MARK1: variants seen among roughly 807,000 people sequenced by gnomAD.
MARK1 encodes the protein microtubule affinity regulating kinase 1, also known as serine/threonine-protein kinase MARK1.
In MARK1, 40 loss-of-function variants were observed where a neutral mutation model predicts 96.3. The ratio of observed to expected loss-of-function variants is 0.42; its 90% confidence interval spans 0.32 to 0.54. The LOEUF (loss-of-function observed/expected upper bound fraction) is 0.54. Among genes scored for constraint, MARK1 ranks in the 20% least tolerant of loss-of-function variants. The pLI is 0.16. For missense variants in MARK1, 719 were observed against 984.6 expected (o/e 0.73, Z 3.61); for synonymous variants, 317 against 341.2 (o/e 0.93, Z 0.78).
intron 16 of MARK1, among the ~76,000 whole-genome samples, chr1:220,655,296 A>G (rs941412374): frequency 2.6e-5 from 4 of 152,140 alleles, no homozygotes; most frequent in Non-Finnish European, 5.9e-5. Context: ...TCATGACATT[A>G]GATTCCGTCC....
In MARK1 at chr1:220,635,257, C is replaced by T. The variant is rs1185871018; in HGVS notation, c.1123-119C>T. ...TAGGCCCAATACTACACTGTTTTTT[C>T]AGTTTGGATTACTTCTTGTATAGCT... On this transcript the variant is annotated intron_variant, in intron 11 of 17. Coordinates refer to ENST00000366917, the MANE Select transcript of MARK1 (RefSeq NM_018650.5). 6 of 971,380 alleles carry T rather than the reference C, an allele frequency of 6.2e-6. No individual in the cohort carries two copies. The Admixed American group carries it at 1.3e-4, about 21-fold the overall frequency. 60.2% of individuals were successfully genotyped at this position (971,380 alleles called of 1,614,324 possible).
At chr1:220,555,399 A>T (rs1296477555) in intron 1 of MARK1, among the ~76,000 whole-genome samples, 2 of 152,204 alleles carry the variant, frequency 1.3e-5, no homozygotes, top group Non-Finnish European at 2.9e-5. Flanking sequence ...GATGCAAAAT[A>T]ATGAGAAGCA....
At chr1:220,567,490 AT>A (rs1215410159) in intron 1 of MARK1, among the ~76,000 whole-genome samples, 1 of 152,150 alleles carries the variant, frequency 6.6e-6, no homozygotes, top group Non-Finnish European at 1.5e-5. Flanking sequence ...GCCTTTTCAC[AT>A]TAAAGGCTAT....
At chr1:220,537,538 C>T (rs1660797379) in intron 1 of MARK1, among the ~76,000 whole-genome samples, 1 of 143,496 alleles carries the variant, frequency 7.0e-6, no homozygotes, top group South Asian at 2.4e-4. Flanking sequence ...AATAGTGCCG[C>T]AATAAACATA....
At chr1:220,617,579 A>C (rs1480269393) in intron 7 of MARK1, among the ~76,000 whole-genome samples, 3 of 152,336 alleles carry the variant, frequency 2.0e-5, no homozygotes, top group East Asian at 3.9e-4. Context: ...CTGTTTACAA[A>C]AGGGACATGT....
At chr1:220,531,368 T>G (rs1660304847) in intron 1 of MARK1, among the ~76,000 whole-genome samples, 1 of 152,180 alleles carries the variant, frequency 6.6e-6, no homozygotes, top group African/African-American at 2.4e-5. Context: ...TCTAAGTCCT[T>G]TGGTATATCA....
intron 1 of MARK1, among the ~76,000 whole-genome samples, chr1:220,547,055 A>G (rs1661551099): frequency 6.6e-6 from 1 of 152,160 alleles, no homozygotes; most frequent in Non-Finnish European, 1.5e-5. Flanking sequence ...AAGCTAGTTT[A>G]TCTTGGATCA....
At chr1:220,611,060 A>G (rs1037849978) in intron 6 of MARK1, among the ~76,000 whole-genome samples, 2 of 152,084 alleles carry the variant, frequency 1.3e-5, no homozygotes, top group Admixed American at 6.5e-5. Context: ...CAGTCTGTCC[A>G]TTTTCAGAGC....
intron 7 of MARK1, among the ~76,000 whole-genome samples, chr1:220,616,417 G>A (rs1048639215): frequency 6.6e-6 from 1 of 152,142 alleles, no homozygotes; most frequent in Non-Finnish European, 1.5e-5. Flanking sequence ...CATTAAATGT[G>A]TATAATAGTA....
At chr1:220,579,628 C>G in intron 2 of MARK1, 71 bp downstream of exon 2, 1 of 1,255,318 alleles carries the variant, frequency 8.0e-7, no homozygotes, top group East Asian at 2.4e-5. Flanking sequence ...TCCTTATAGC[C>G]CATGTTTGGG....
intron 9 of MARK1, among the ~76,000 whole-genome samples, chr1:220,629,367 T>G (rs938221631): frequency 1.9e-4 from 29 of 151,932 alleles, no homozygotes; most frequent in African/African-American, 6.3e-4. Context: ...TTTTTTTTTT[T>G]TGGTGGTGGT....
At chr1:220,635,609 T>TGAATGTA in intron 12 of MARK1, 80 bp downstream of exon 12, 1 of 1,453,506 alleles carries the variant, frequency 6.9e-7, no homozygotes, top group Non-Finnish European at 9.3e-7. Context: ...TACATTCACG[T>TGAATGTA]CTCTATGTGC....
rs565435065 is a variant in MARK1 at position 220,628,492 on chromosome 1, T to C, written c.910-2543T>C. Among the ~76,000 whole-genome samples, 9 of 152,344 alleles carry C rather than the reference T, an allele frequency of 5.9e-5. No individual in the cohort carries two copies. The East Asian group carries it at 1.7e-3, about 29-fold the overall frequency. ...AGGGGCTACTTATTTAGGCGTCACC[T>C]TATTTGACCATTTGGCTATATTTGA... is the stretch of plus-strand genomic sequence containing the variant. On this transcript the variant is annotated intron_variant, in intron 9 of 17. Transcript: ENST00000366917.
At chr1:220,642,472 A>G (rs1376771721) in intron 13 of MARK1, among the ~76,000 whole-genome samples, 4 of 152,118 alleles carry the variant, frequency 2.6e-5, no homozygotes, top group Non-Finnish European at 1.5e-5. Context: ...GGTCTTACAG[A>G]CAGAACTCTC....
chr1:220,630,099 T>G (rs1322284591), intron 9 of MARK1, among the ~76,000 whole-genome samples: 1 of 152,186 alleles, frequency 6.6e-6, no homozygotes, highest in African/African-American at 2.4e-5. Context: ...CTCCACATGC[T>G]CACCAACACT....
At chr1:220,591,865 A>G (rs1665004749) in intron 3 of MARK1, among the ~76,000 whole-genome samples, 1 of 152,092 alleles carries the variant, frequency 6.6e-6, no homozygotes, top group Admixed American at 6.6e-5. Context: ...GTTTTGTTTT[A>G]ATTAATGAGA....
At chr1:220,547,674 C>T (rs922345830) in intron 1 of MARK1, among the ~76,000 whole-genome samples, 4 of 152,140 alleles carry the variant, frequency 2.6e-5, no homozygotes, top group Admixed American at 6.5e-5. Flanking sequence ...ACACCATTCT[C>T]CTGCCTCAGC....
At chr1:220,661,211 G>T (rs908863531) in intron 17 of MARK1, among the ~76,000 whole-genome samples, 2 of 152,152 alleles carry the variant, frequency 1.3e-5, no homozygotes, top group Admixed American at 1.3e-4. Context: ...GGGGTAGTAG[G>T]AGTTGGAATG....
chr1:220,591,371 T>A (rs2102878793), intron 3 of MARK1, among the ~76,000 whole-genome samples: 1 of 152,290 alleles, frequency 6.6e-6, no homozygotes, highest in South Asian at 2.1e-4. Flanking sequence ...ACTACCAAAT[T>A]TGCCAGTAAT....
Sources: gnomAD v4.1 joint callset for allele counts (sites outside exome capture counted in the v4.1 genomes callset) on GRCh38, gnomAD v4.1.1 for gene constraint, MANE v1.5 for transcripts, NCBI Gene and HGNC (gene_info 2026-07-23, HGNC 2026-07-21) for gene names.